MREG: variants seen among roughly 807,000 people sequenced by gnomAD.
The protein encoded by MREG is melanoregulin, also known as dilute suppressor protein homolog.
Under a neutral mutation model 28.5 loss-of-function variants are expected in MREG, and 31 were observed. The observed-to-expected ratio is 1.09, with a 90% CI of 0.82 to 1.47. The LOEUF is 1.47. Ranked by LOEUF, MREG falls within the 40% of genes most tolerant of loss-of-function variation. MREG has a pLI of 0.00. For synonymous variants in MREG, 106 were observed against 95.2 expected, an observed-to-expected ratio of 1.11 and a Z score of -0.66; for missense variants, 256 against 257.4, an observed-to-expected ratio of 0.99 and a Z score of 0.04.
intron 2 of MREG, among the ~76,000 whole-genome samples, chr2:215,960,945 A>G (rs1405314682): frequency 2.0e-5 from 3 of 152,234 alleles, no homozygotes; most frequent in African/African-American, 4.8e-5. Context: ...TGCATCTACC[A>G]GGCATGGTAT....
chr2:215,961,564 T>C (rs1307878937), intron 2 of MREG, among the ~76,000 whole-genome samples: 4 of 152,134 alleles, frequency 2.6e-5, no homozygotes, highest in Non-Finnish European at 5.9e-5. Context: ...TAGCTGAGAT[T>C]ACAGGTGCCC....
intron 1 of MREG, among the ~76,000 whole-genome samples, chr2:216,008,039 C>T (rs1241412910): frequency 4.6e-5 from 7 of 152,030 alleles, no homozygotes; most frequent in Admixed American, 4.6e-4. Flanking sequence ...TCAGTATTCA[C>T]TAATTCAGTG....
chr2:215,995,140 T>C (rs1693832650), intron 2 of MREG, among the ~76,000 whole-genome samples: 1 of 152,218 alleles, frequency 6.6e-6, no homozygotes, highest in Admixed American at 6.5e-5. Flanking sequence ...GCAGGATTTA[T>C]GACTTGCCTT....
rs1693152442 is a variant in MREG at position 215,973,257 on chromosome 2, A to G, written c.255+23049T>C. 2.6e-5 allele frequency among the ~76,000 whole-genome samples: 4 copies of G among 152,334 alleles called. No individual in the cohort carries two copies. In the South Asian group the frequency reaches 8.3e-4, roughly 32 times the overall value. ...TCCTACTCCAAAGCCCATTCCCTCC[A>G]AACTTCTGCCTGGACAAGCAAAGAG... On this transcript the variant is annotated intron_variant, in intron 2 of 4. Transcript: ENST00000263268.
chr2:215,949,484 C>G (rs1559173764), intron 2 of MREG, among the ~76,000 whole-genome samples: 1 of 151,214 alleles, frequency 6.6e-6, no homozygotes, highest in Non-Finnish European at 1.5e-5. Context: ...TTGCTTGAAC[C>G]CGGGAGGCAG....
At chr2:215,995,125 C>T (rs1693832289) in intron 2 of MREG, among the ~76,000 whole-genome samples, 1 of 152,184 alleles carries the variant, frequency 6.6e-6, no homozygotes, top group African/African-American at 2.4e-5. Flanking sequence ...CAGTTCTTGG[C>T]AGCAGCAGGA....
In MREG at chr2:216,008,166, G is replaced by C. The variant is rs551343514; in HGVS notation, c.95+5067C>G. On this transcript the variant is annotated intron_variant, in intron 1 of 4. Coordinates refer to ENST00000263268, the MANE Select transcript of MREG (RefSeq NM_018000.3). ...GAAGAAATGGTTTAGTTTGAGTCAC[G>C]CCGCTTGGGGCAGAGACTGAGTTGA... Among the ~76,000 whole-genome samples the C allele has an allele frequency of 2.6e-5, 4 of 152,108 alleles. No individual in the cohort carries two copies. In the East Asian group the frequency reaches 7.7e-4, roughly 29 times the overall value.
intron 1 of MREG, among the ~76,000 whole-genome samples, chr2:216,025,937 C>G (rs957435114): frequency 6.6e-6 from 1 of 152,196 alleles, no homozygotes; most frequent in Non-Finnish European, 1.5e-5. Context: ...AACACTTAAG[C>G]CTTCAGCCCT....
chr2:215,971,095 A>G (rs1693079386), intron 2 of MREG, among the ~76,000 whole-genome samples: 1 of 152,102 alleles, frequency 6.6e-6, no homozygotes, highest in Non-Finnish European at 1.5e-5. Context: ...ATGAGAATAC[A>G]CGAACATGGG....
intron 2 of MREG, among the ~76,000 whole-genome samples, chr2:215,965,270 T>A (rs1005027496): frequency 6.6e-6 from 1 of 152,244 alleles, no homozygotes; most frequent in African/African-American, 2.4e-5. Context: ...CAGGTTCCTG[T>A]GCATGTCCCA....
intron 1 of MREG, among the ~76,000 whole-genome samples, chr2:216,007,948 T>C (rs572710488): frequency 1.3e-4 from 20 of 152,322 alleles, no homozygotes; most frequent in African/African-American, 4.3e-4. Flanking sequence ...AAAAAAGTTA[T>C]GCATTGATTG....
At chr2:216,004,065 T>C (rs1694089955) in intron 1 of MREG, among the ~76,000 whole-genome samples, 1 of 152,166 alleles carries the variant, frequency 6.6e-6, no homozygotes, top group African/African-American at 2.4e-5. Flanking sequence ...TCCACCACCC[T>C]GCCCTCTTCA....
intron 1 of MREG, 43 bp from the exon 2 acceptor site, chr2:215,996,508 A>G (rs1391251448): frequency 1.5e-5 from 21 of 1,430,650 alleles, no homozygotes; most frequent in Non-Finnish European, 1.8e-5. Flanking sequence ...TATAATATAC[A>G]TAAAATGTTA....
intron 2 of MREG, among the ~76,000 whole-genome samples, chr2:215,954,586 C>CAAATCTA (rs1692574133): frequency 6.6e-6 from 1 of 151,974 alleles, no homozygotes; most frequent in South Asian, 2.1e-4. Flanking sequence ...AGCCAGAACT[C>CAAATCTA]AAATCTAAGT....
intron 2 of MREG, among the ~76,000 whole-genome samples, chr2:215,972,926 T>C (rs920339703): frequency 2.0e-5 from 3 of 152,206 alleles, no homozygotes; most frequent in Non-Finnish European, 4.4e-5. Flanking sequence ...TGTCTCCTAA[T>C]ACCTGCTTTT....
In MREG at chr2:215,943,134, T is replaced by G. The variant is rs906792326; in HGVS notation, c.*1729A>C. The G allele has an allele frequency of 7.9e-6, 2 of 253,500 alleles. No homozygotes were observed. Among genetic ancestry groups the G allele is most frequent in the Non-Finnish European group, 8.0e-6 (1 of 125,380 alleles). The allele number at this position is 253,500 out of a possible 1,614,324, so 15.7% of individuals were successfully genotyped here. Reference sequence around the variant, plus strand: ...TCCTCTAAGCAGACTAAATACAAGTTAGTTTTTAACCTGAATTCAGAAGTG... The same window carrying G: ...TCCTCTAAGCAGACTAAATACAAGTGAGTTTTTAACCTGAATTCAGAAGTG... On this transcript the variant is annotated 3_prime_UTR_variant, in exon 5 of 5. Coordinates refer to ENST00000263268, the MANE Select transcript of MREG (RefSeq NM_018000.3).
chr2:215,987,530 C>A (rs1574629823), intron 2 of MREG, among the ~76,000 whole-genome samples: 1 of 152,076 alleles, frequency 6.6e-6, no homozygotes, highest in South Asian at 2.1e-4. Context: ...CAGGCGTTAG[C>A]CACCATACCC....
intron 1 of MREG, among the ~76,000 whole-genome samples, chr2:216,019,812 A>C (rs1694496147): frequency 6.6e-6 from 1 of 152,046 alleles, no homozygotes; most frequent in Admixed American, 6.6e-5. Context: ...GCCTCAAACT[A>C]TTTTTATTGG....
chr2:215,953,070 C>T (rs1016769565), intron 2 of MREG, among the ~76,000 whole-genome samples: 1 of 152,162 alleles, frequency 6.6e-6, no homozygotes, highest in Non-Finnish European at 1.5e-5. Flanking sequence ...ATGATTCATC[C>T]CTTAAGGTTG....
Sources: allele counts gnomAD v4.1 joint callset (sites outside exome capture counted in the v4.1 genomes callset), GRCh38; gene constraint gnomAD v4.1.1; transcripts MANE v1.5; gene names NCBI Gene and HGNC (gene_info 2026-07-23, HGNC 2026-07-21).